LIN54: variants seen among roughly 807,000 people sequenced by gnomAD.
LIN54 encodes the protein lin-54 DREAM MuvB core complex component.
A neutral mutation model predicts 78.7 loss-of-function variants in LIN54; 9 were observed. The ratio of observed to expected loss-of-function variants is 0.11; its 90% CI spans 0.07 to 0.20. LIN54 has a LOEUF of 0.20. Ranked by LOEUF, LIN54 falls within the 10% of genes least tolerant of loss-of-function variation. LIN54 has a pLI of 1.00. For synonymous variants in LIN54, 269 were observed against 318.4 expected (o/e 0.84, Z 1.65); for missense variants, 573 against 889.9 (o/e 0.64, Z 4.53).
intron 1 of LIN54, among the ~76,000 whole-genome samples, chr4:82,989,786 ATT>A (rs1236731251): frequency 1.9e-3 from 288 of 152,308 alleles, no homozygotes; most frequent in African/African-American, 6.6e-3. Context: ...ATTTTCAAGC[ATT>A]AACCCCTGCA....
intron 1 of LIN54, among the ~76,000 whole-genome samples, chr4:83,000,233 G>GA (rs1728640147): frequency 2.0e-5 from 3 of 152,230 alleles, no homozygotes; most frequent in Admixed American, 2.0e-4. Flanking sequence ...CCTTATTCTG[G>GA]AAAAGAATGC....
chr4:82,961,284 A>G (rs1245415158), intron 4 of LIN54, among the ~76,000 whole-genome samples: 1 of 152,232 alleles, frequency 6.6e-6, no homozygotes, highest in Non-Finnish European at 1.5e-5. Flanking sequence ...CTAGAATTAC[A>G]GAAGCTTCAA....
At chr4:82,932,261 AT>A (rs1245985427) in intron 11 of LIN54, among the ~76,000 whole-genome samples, 7 of 149,996 alleles carry the variant, frequency 4.7e-5, no homozygotes, top group Non-Finnish European at 8.9e-5. Flanking sequence ...CGCCCGGCTA[AT>A]TTTTTTTGTA....
intron 4 of LIN54, among the ~76,000 whole-genome samples, chr4:82,955,087 A>G (rs1177056325): frequency 1.3e-5 from 2 of 152,212 alleles, no homozygotes; most frequent in African/African-American, 4.8e-5. Flanking sequence ...AAAAGAATGA[A>G]CAGGCCGGGT....
upstream of LIN54, chr4:83,012,054 G>T: frequency 1.0e-6 from 1 of 985,250 alleles, no homozygotes; most frequent in Non-Finnish European, 1.2e-6. Context: ...AAAGTCGGTA[G>T]ATTCAGCCTT....
intron 4 of LIN54, among the ~76,000 whole-genome samples, chr4:82,947,235 A>ATATATATATATTTTTTTTTTTTT: frequency 4.5e-5 from 2 of 44,292 alleles, no homozygotes; most frequent in Non-Finnish European, 7.3e-5. Context: ...ATATATATAT[A>ATATATATATATTTTTTTTTTTTT]TTTTTTTTTT....
chr4:82,957,331 T>C (rs1326782312), intron 4 of LIN54, among the ~76,000 whole-genome samples: 1 of 152,240 alleles, frequency 6.6e-6, no homozygotes, highest in Non-Finnish European at 1.5e-5. Context: ...CATTGATTCA[T>C]AAAGCTTGAA....
chr4:83,004,814 CA>C (rs1319992746), intron 1 of LIN54, among the ~76,000 whole-genome samples: 3 of 152,082 alleles, frequency 2.0e-5, no homozygotes, highest in Non-Finnish European at 4.4e-5. Context: ...ATTGTTTAAG[CA>C]AAACAACATC....
chr4:82,993,496 C>T (rs953304913), intron 1 of LIN54, among the ~76,000 whole-genome samples: 10 of 151,278 alleles, frequency 6.6e-5, no homozygotes, highest in South Asian at 2.1e-4. Flanking sequence ...GGGATCACAG[C>T]GGTGAGCCAC....
chr4:82,944,789 G>C (rs898421240), intron 5 of LIN54: 2 of 152,088 alleles, frequency 1.3e-5, no homozygotes, highest in South Asian at 4.1e-4. Flanking sequence ...AGAACAAGGA[G>C]TTCCAACTGT....
chr4:82,941,546 AAG>A (rs1722897628), intron 5 of LIN54, among the ~76,000 whole-genome samples: 1 of 152,218 alleles, frequency 6.6e-6, no homozygotes, highest in Non-Finnish European at 1.5e-5. Flanking sequence ...ATTGAAATAA[AAG>A]AAAAATTAAT....
chr4:83,009,691 G>A (rs997117338), intron 1 of LIN54, among the ~76,000 whole-genome samples: 2 of 152,162 alleles, frequency 1.3e-5, no homozygotes, highest in Non-Finnish European at 2.9e-5. Flanking sequence ...AGAAATAACA[G>A]AGGTCTCAAT....
intron 3 of LIN54, among the ~76,000 whole-genome samples, chr4:82,971,283 T>G (rs1725626585): frequency 6.6e-6 from 1 of 152,148 alleles, no homozygotes; most frequent in Non-Finnish European, 1.5e-5. Flanking sequence ...TCCCACCCCA[T>G]CTTGTAGTTA....
chr4:82,971,537 TA>T (rs34112919), intron 3 of LIN54, among the ~76,000 whole-genome samples: 57 of 145,794 alleles, frequency 3.9e-4, no homozygotes, highest in African/African-American at 6.5e-4. Flanking sequence ...AAATTGAATT[TA>T]AAAAAAAAAA....
At chr4:82,964,976 C>G (rs916618300) in intron 4 of LIN54, among the ~76,000 whole-genome samples, 1 of 151,972 alleles carries the variant, frequency 6.6e-6, no homozygotes, top group Admixed American at 6.6e-5. Flanking sequence ...CCAGCATGGG[C>G]AACAGAGGTG....
At chr4:82,943,755 AGCAGAAGAG>A (rs1723126304) in intron 5 of LIN54, among the ~76,000 whole-genome samples, 1 of 152,052 alleles carries the variant, frequency 6.6e-6, no homozygotes, top group Non-Finnish European at 1.5e-5. Context: ...GCAGAAGGGA[AGCAGAAGAG>A]TGGTGAAGGA....
intron 12 of LIN54, among the ~76,000 whole-genome samples, chr4:82,929,367 A>T (rs1721755981): frequency 6.6e-6 from 1 of 152,188 alleles, no homozygotes; most frequent in Non-Finnish European, 1.5e-5. Context: ...CAGTATCTTT[A>T]ATCTCCATGT....
intron 4 of LIN54, among the ~76,000 whole-genome samples, chr4:82,947,758 A>T (rs1723524960): frequency 6.6e-6 from 1 of 152,152 alleles, no homozygotes; most frequent in African/African-American, 2.4e-5. Flanking sequence ...AGGATCAAAG[A>T]GTCTCTAACC....
intron 3 of LIN54, among the ~76,000 whole-genome samples, chr4:82,976,703 G>A (rs1344646508): frequency 3.3e-5 from 5 of 152,018 alleles, no homozygotes; most frequent in African/African-American, 7.2e-5. Flanking sequence ...GCGAGACTCC[G>A]TCTTAAAAAA....
Sources: allele counts gnomAD v4.1 joint callset (sites outside exome capture counted in the v4.1 genomes callset), GRCh38; gene constraint gnomAD v4.1.1; transcripts MANE v1.5; gene names NCBI Gene and HGNC (gene_info 2026-07-23, HGNC 2026-07-21).